The following CAMK2A variants were observed in gnomAD, a reference collection of about 807,000 sequenced individuals.
CAMK2A encodes the protein calcium/calmodulin-dependent protein kinase type II subunit alpha.
A neutral mutation model predicts 79.2 loss-of-function variants in CAMK2A; 7 were observed. The observed-to-expected ratio is 0.09, with a 90% CI of 0.05 to 0.17. The LOEUF is 0.17. Among genes scored for constraint, CAMK2A ranks in the 10% least tolerant of loss-of-function variants. The probability of loss-of-function intolerance (pLI) is 1.00; values close to 1 mark genes in which losing one functional copy is unlikely to be tolerated. For missense variants in CAMK2A, 214 were observed against 646.4 expected (o/e 0.33, Z 7.25); for synonymous variants, 242 against 251.7 (o/e 0.96, Z 0.36).
At position 150,256,745 on chromosome 5, in the gene CAMK2A, C is replaced by T. The variant is rs756535757; in HGVS notation, c.338+21G>A. ...GTGCCCTGTCCCCGGGTGCCATTGC[C>T]AGGCAGCACCTGACACTCACCTGGC... On this transcript the variant is annotated intron_variant, in intron 5 of 18. Coordinates refer to ENST00000671881, the MANE Select transcript of CAMK2A (RefSeq NM_015981.4). This position sits in a 1 kb window ranked among gnomAD's most constrained non-coding sequence, Gnocchi z 4.6. 1.9e-6 allele frequency: 3 copies of T among 1,613,190 alleles called. No homozygotes were observed. Among genetic ancestry groups the T allele is most frequent in the Non-Finnish European group, 1.7e-6 (2 of 1,179,212 alleles).
chr5:150,248,457 G>A (rs1474651500), intron 11 of CAMK2A, among the ~76,000 whole-genome samples: 7 of 150,804 alleles, frequency 4.6e-5, no homozygotes, highest in African/African-American at 7.3e-5. Flanking sequence ...TTTACATTAG[G>A]TATATCTCCT....
At chr5:150,248,116 C>A (rs111665201) in intron 11 of CAMK2A, among the ~76,000 whole-genome samples, 4,107 of 152,158 alleles carry the variant, frequency 0.027, 87 homozygotes, top group African/African-American at 0.057. Context: ...GCTTGAGGGA[C>A]ACCTACCAGC....
At chr5:150,242,838 G>A (rs577684092) in intron 13 of CAMK2A, among the ~76,000 whole-genome samples, 1 of 152,292 alleles carries the variant, frequency 6.6e-6, no homozygotes, top group South Asian at 2.1e-4. Context: ...CAGATCCTGG[G>A]CCAGGCCCCC....
At position 150,289,684 on chromosome 5, in the gene CAMK2A, T is replaced by G; in HGVS notation, c.-59A>C. On this transcript the variant is annotated 5_prime_UTR_variant, in exon 1 of 19. Transcript: ENST00000671881. ...TGGGGGACCAGGACTGAGGCGCTGC[T>G]GCTCTGCTCCCGAACCTAGGGACCA... 2 of 1,420,084 alleles carry G rather than the reference T, an allele frequency of 1.4e-6. No individual in the cohort carries two copies. The highest frequency in any genetic ancestry group is 2.0e-6 in the Non-Finnish European group (2 of 1,010,646). The allele number at this position is 1,420,084 out of a possible 1,614,324, so 88.0% of individuals were successfully genotyped here.
intron 6 of CAMK2A, among the ~76,000 whole-genome samples, chr5:150,255,061 G>C (rs1418406018): frequency 6.6e-6 from 1 of 152,104 alleles, no homozygotes; most frequent in Non-Finnish European, 1.5e-5. Context: ...TTTGTCCTCT[G>C]GGGACAATGT....
At position 150,268,643 on chromosome 5, in the gene CAMK2A, C is replaced by T. The variant is rs76847067; in HGVS notation, c.158-3628G>A. 3.7e-4 allele frequency among the ~76,000 whole-genome samples: 56 copies of T among 152,340 alleles called. No individual in the cohort carries two copies. In the East Asian group the frequency reaches 0.01, roughly 27 times the overall value. On this transcript the variant is annotated intron_variant, in intron 2 of 18. Transcript: ENST00000671881. ...AGACCTTTTCTGTTGGTCACTGCCACGTTCCCAGGGCGTGGCATAGAGCTG... is the reference window on the plus strand; with the variant it reads ...AGACCTTTTCTGTTGGTCACTGCCATGTTCCCAGGGCGTGGCATAGAGCTG...
At position 150,250,315 on chromosome 5, in the gene CAMK2A, G is replaced by A. The variant is rs1343747902; in HGVS notation, c.817-6C>T. On this transcript the variant is annotated splice_region_variant and splice_polypyrimidine_tract_variant and intron_variant, in intron 10 of 18. Coordinates refer to ENST00000671881, the MANE Select transcript of CAMK2A (RefSeq NM_015981.4). ...GATGCCACGGTGGAGCGGTGCTGGA[G>A]GAAGTAGGGGAGAGGGCTGTGAGTG... 6.2e-7 allele frequency: 1 copy of A among 1,612,802 alleles called. No homozygotes were observed. Among genetic ancestry groups the A allele is most frequent in the African/African-American group, 1.3e-5 (1 of 74,902 alleles).
At chr5:150,247,692 G>T in intron 12 of CAMK2A, 80 bp downstream of exon 12, 2 of 1,179,646 alleles carry the variant, frequency 1.7e-6, no homozygotes, top group Non-Finnish European at 2.5e-6. Context: ...TGGCCTGGGG[G>T]CACTCCAATA....
At chr5:150,244,472 AGAG>A (rs781112452) in intron 13 of CAMK2A, among the ~76,000 whole-genome samples, 29 of 152,232 alleles carry the variant, frequency 1.9e-4, no homozygotes, top group Non-Finnish European at 3.4e-4. Flanking sequence ...ATCGAGTGGC[AGAG>A]GAGGAGGGAA....
At position 150,222,203 on chromosome 5, in the gene CAMK2A, G is replaced by C; in HGVS notation, c.*507C>G. The C allele has an allele frequency of 2.4e-6, 1 of 423,248 alleles. No individual in the cohort carries two copies. Among genetic ancestry groups the C allele is most frequent in the Non-Finnish European group, 4.4e-6 (1 of 227,976 alleles). The allele number at this position is 423,248 out of a possible 1,614,324, so 26.2% of individuals were successfully genotyped here. A position where few individuals can be genotyped will look rare whatever the true frequency, so the allele number is the denominator to read the frequency against. ...AGCACTTTGAGGCAGGAGGCTCCTG[G>C]CGTATGCTCTTCTCCCCACTCCTTC... On this transcript the variant is annotated 3_prime_UTR_variant, in exon 19 of 19. Transcript: ENST00000671881.
At chr5:150,266,188 C>T (rs780351219) in intron 2 of CAMK2A, among the ~76,000 whole-genome samples, 15 of 152,078 alleles carry the variant, frequency 9.9e-5, no homozygotes, top group Non-Finnish European at 1.9e-4. Context: ...CCCACACACT[C>T]GGGAGAGAGG....
chr5:150,289,415 T>G (rs1344854704), intron 1 of CAMK2A, 149 bp downstream of exon 1: 21 of 663,458 alleles, frequency 3.2e-5, no homozygotes, highest in African/African-American at 7.1e-5. Flanking sequence ...GGACACTCTG[T>G]ACACAGGCAG....
In CAMK2A at chr5:150,221,162, A is replaced by T; in HGVS notation, c.*1548T>A. ...CAAAACATGTAGATTGGTTTTGTTG[A>T]GTGTTTTCTTCTTTTTGTTTGTTTT... On this transcript the variant is annotated 3_prime_UTR_variant, in exon 19 of 19. Coordinates refer to ENST00000671881, the MANE Select transcript of CAMK2A (RefSeq NM_015981.4). 3.1e-6 allele frequency: 1 copy of T among 321,860 alleles called. No individual in the cohort carries two copies. Among genetic ancestry groups the T allele is most frequent in the Non-Finnish European group, 5.6e-6 (1 of 178,348 alleles). The allele number at this position is 321,860 out of a possible 1,614,324, so 19.9% of individuals were successfully genotyped here.
chr5:150,224,759 A>C (rs1471188146), intron 17 of CAMK2A, among the ~76,000 whole-genome samples: 3 of 152,118 alleles, frequency 2.0e-5, no homozygotes, highest in Admixed American at 6.5e-5. Flanking sequence ...GGCTGGAGGC[A>C]TACAAGACCA....
chr5:150,268,439 C>T (rs1012602805), intron 2 of CAMK2A, among the ~76,000 whole-genome samples: 1 of 152,172 alleles, frequency 6.6e-6, no homozygotes, highest in African/African-American at 2.4e-5. Flanking sequence ...ACAACGTCAC[C>T]TCCTTAGAGA....
chr5:150,236,636 T>C (rs1755072365), intron 15 of CAMK2A, among the ~76,000 whole-genome samples: 1 of 152,192 alleles, frequency 6.6e-6, no homozygotes, highest in African/African-American at 2.4e-5. Context: ...GCCAGGATTA[T>C]GTGGCTATAT....
At chr5:150,280,435 C>T (rs187361375) in intron 1 of CAMK2A, among the ~76,000 whole-genome samples, 8 of 152,280 alleles carry the variant, frequency 5.3e-5, no homozygotes, top group South Asian at 4.1e-4. Context: ...ACAAAACAAC[C>T]GAGAACCTTT....
At chr5:150,257,418 C>T in intron 4 of CAMK2A, 145 bp downstream of exon 4, 1 of 682,078 alleles carries the variant, frequency 1.5e-6, no homozygotes, top group Non-Finnish European at 2.7e-6. Context: ...GGAAAGTCAG[C>T]TTGCACTGCT....
chr5:150,244,084 T>A (rs1307414666), intron 13 of CAMK2A, among the ~76,000 whole-genome samples: 1 of 152,132 alleles, frequency 6.6e-6, no homozygotes, highest in Non-Finnish European at 1.5e-5. Flanking sequence ...GAAGGGAGAA[T>A]GATTAGATAG....
Sources: gnomAD v4.1 joint callset for allele counts (sites outside exome capture counted in the v4.1 genomes callset) on GRCh38, gnomAD v4.1.1 for gene constraint, Gnocchi (gnomAD v3.1) non-coding constraint, MANE v1.5 for transcripts, NCBI Gene and HGNC (gene_info 2026-07-23, HGNC 2026-07-21) for gene names.